HDAC9: variants seen among roughly 807,000 people sequenced by gnomAD.
HDAC9 encodes MEF-2 interacting transcription repressor (MITR) protein.
A neutral mutation model predicts 139.4 loss-of-function variants in HDAC9; 41 were observed. The ratio of observed to expected loss-of-function variants is 0.29; its 90% confidence interval spans 0.23 to 0.38. The LOEUF is 0.38. Ranked by LOEUF, HDAC9 falls within the 10% of genes least tolerant of loss-of-function variation. The probability of loss-of-function intolerance (pLI) is 1.00; values close to 1 mark genes in which losing one functional copy is unlikely to be tolerated. For synonymous variants in HDAC9, 517 were observed against 476.2 expected, an observed-to-expected ratio of 1.09 and a Z score of -1.12; for missense variants, 1,147 against 1,297.0, an observed-to-expected ratio of 0.88 and a Z score of 1.78.
chr7:18,935,716 A>T (rs531088918), intron 22 of HDAC9, 93 bp from the exon 23 acceptor site: 25 of 1,152,288 alleles, frequency 2.2e-5, no homozygotes, highest in Non-Finnish European at 2.9e-5. Flanking sequence ...ATGCTTAGTA[A>T]TGACTTACTC....
chr7:18,222,493 T>C (rs1166423459), intron 2 of HDAC9, among the ~76,000 whole-genome samples: 1 of 152,106 alleles, frequency 6.6e-6, no homozygotes, highest in Non-Finnish European at 1.5e-5. Context: ...CTATTTTTTC[T>C]TATTATAAAA....
chr7:18,791,337 C>A (rs950100226), intron 16 of HDAC9, among the ~76,000 whole-genome samples: 1 of 152,084 alleles, frequency 6.6e-6, no homozygotes, highest in African/African-American at 2.4e-5. Context: ...AACTTAAATT[C>A]TGATTAATGC....
chr7:18,480,662 T>C (rs76993270), intron 1 of HDAC9, among the ~76,000 whole-genome samples: 3,460 of 152,292 alleles, frequency 0.023, 125 homozygotes, highest in African/African-American at 0.078. Flanking sequence ...AGATATTTAG[T>C]CTGTTCTGCT....
At chr7:18,847,314 A>C (rs779557920) in intron 21 of HDAC9, among the ~76,000 whole-genome samples, 2 of 152,162 alleles carry the variant, frequency 1.3e-5, no homozygotes, top group Non-Finnish European at 2.9e-5. Context: ...ACAAGTGATT[A>C]CTTTTCAAAA....
intron 9 of HDAC9, 42 bp from the exon 10 acceptor site, chr7:18,647,743 T>G: frequency 6.6e-7 from 1 of 1,508,998 alleles, no homozygotes; most frequent in South Asian, 1.2e-5. Context: ...GTGACCCACA[T>G]GGATGAAAGA....
chr7:18,665,849 A>G (rs1320670296), intron 11 of HDAC9, among the ~76,000 whole-genome samples: 1 of 152,112 alleles, frequency 6.6e-6, no homozygotes, highest in East Asian at 1.9e-4. Context: ...TGAGAAAAGT[A>G]TTATTCCCAG....
intron 22 of HDAC9, among the ~76,000 whole-genome samples, chr7:18,919,146 A>G (rs1803466157): frequency 6.6e-6 from 1 of 152,118 alleles, no homozygotes; most frequent in Non-Finnish European, 1.5e-5. Context: ...TATAATTGTC[A>G]GAAACACAAA....
intron 2 of HDAC9, among the ~76,000 whole-genome samples, chr7:18,527,110 T>C (rs994006073): frequency 2.0e-5 from 3 of 152,120 alleles, no homozygotes; most frequent in African/African-American, 4.8e-5. Context: ...AAAGATCATT[T>C]CCACATGATC....
chr7:18,508,372 GT>G (rs1800435304), intron 2 of HDAC9, among the ~76,000 whole-genome samples: 1 of 152,178 alleles, frequency 6.6e-6, no homozygotes, highest in South Asian at 2.1e-4. Flanking sequence ...ATTAGGAATG[GT>G]CTGGATCTAT....
intron 2 of HDAC9, among the ~76,000 whole-genome samples, chr7:18,547,076 C>T (rs1240066874): frequency 1.3e-5 from 2 of 152,196 alleles, no homozygotes; most frequent in Admixed American, 6.5e-5. Flanking sequence ...AGCCTAAAAA[C>T]TATACATACT....
chr7:18,310,752 CAG>C (rs1048094740), intron 1 of HDAC9, among the ~76,000 whole-genome samples: 39 of 151,300 alleles, frequency 2.6e-4, no homozygotes, highest in Non-Finnish European at 4.9e-4. Flanking sequence ...GCTATAGAAT[CAG>C]GGGAAAGAGA....
At chr7:18,739,242 A>G (rs1787217532) in intron 13 of HDAC9, among the ~76,000 whole-genome samples, 1 of 152,318 alleles carries the variant, frequency 6.6e-6, no homozygotes, top group East Asian at 1.9e-4. Flanking sequence ...GTTATTACCA[A>G]CCTTCTGAAG....
chr7:18,138,879 T>C (rs1785664639), intron 1 of HDAC9, among the ~76,000 whole-genome samples: 2 of 152,084 alleles, frequency 1.3e-5, no homozygotes, highest in African/African-American at 4.8e-5. Flanking sequence ...TATTATACCT[T>C]CCTGGCACTC....
At chr7:18,710,222 C>T (rs1784245589) in intron 12 of HDAC9, among the ~76,000 whole-genome samples, 1 of 152,146 alleles carries the variant, frequency 6.6e-6, no homozygotes, top group Non-Finnish European at 1.5e-5. Context: ...CTCCCCAAGT[C>T]CCACCCATGA....
chr7:18,276,471 T>G (rs1446931696), intron 2 of HDAC9, among the ~76,000 whole-genome samples: 1 of 152,174 alleles, frequency 6.6e-6, no homozygotes, highest in Non-Finnish European at 1.5e-5. Context: ...TTTTAACACA[T>G]CTTTCTGTAA....
At chr7:18,923,570 A>G (rs185883989) in intron 22 of HDAC9, among the ~76,000 whole-genome samples, 80 of 152,132 alleles carry the variant, frequency 5.3e-4, no homozygotes, top group Middle Eastern at 6.8e-3. Context: ...TCATCATTCA[A>G]TTCCACAATC....
chr7:18,133,034 C>G (rs904488991), intron 1 of HDAC9, among the ~76,000 whole-genome samples: 5 of 152,130 alleles, frequency 3.3e-5, no homozygotes, highest in Non-Finnish European at 4.4e-5. Context: ...GCTGAAACTG[C>G]TCACCATGGA....
At chr7:18,091,419 G>A (rs1193747386) in intron 1 of HDAC9, among the ~76,000 whole-genome samples, 3 of 152,200 alleles carry the variant, frequency 2.0e-5, no homozygotes, top group Non-Finnish European at 4.4e-5. Flanking sequence ...GTGTGGACTG[G>A]TTTAGTTCTA....
rs35414332 is a variant in HDAC9, at chr7:18,744,012, GTT to G, written c.1910-4973_1910-4972del. Among the ~76,000 whole-genome samples the G allele has an allele frequency of 5.4e-5, 6 of 110,434 alleles. No homozygotes were observed. The East Asian group carries it at 1.1e-3, about 20-fold the overall frequency. 72.4% of individuals were successfully genotyped at this position (110,434 alleles called of 152,430 possible). On this transcript the variant is annotated intron_variant, in intron 13 of 25. Coordinates refer to ENST00000686413, the MANE Select transcript of HDAC9 (RefSeq NM_178425.4). ...TTTTTACATCTCACTTTTACTACTA[GTT>G]TTTTTTTTTTTTTTTTTTTGAGATG... is the stretch of plus-strand genomic sequence containing the variant.
Sources: gnomAD v4.1 joint callset for allele counts (sites outside exome capture counted in the v4.1 genomes callset) on GRCh38, gnomAD v4.1.1 for gene constraint, MANE v1.5 for transcripts, NCBI Gene and HGNC (gene_info 2026-07-23, HGNC 2026-07-21) for gene names.